ANKS1A: variants seen among roughly 807,000 people sequenced by gnomAD.
ANKS1A encodes ankyrin repeat and sterile alpha motif domain containing 1A.
ANKS1A carries 55 observed loss-of-function variants against 120.3 expected under a neutral mutation model. The ratio of observed to expected loss-of-function variants is 0.46; its 90% CI spans 0.37 to 0.57. The LOEUF is 0.57. Among genes scored for constraint, ANKS1A ranks in the 20% least tolerant of loss-of-function variants. The pLI is 0.00. For missense variants in ANKS1A, 1,123 were observed against 1,480.3 expected, an observed-to-expected ratio of 0.76 and a Z score of 3.96; for synonymous variants, 590 against 604.7, an observed-to-expected ratio of 0.98 and a Z score of 0.36.
rs547868404 is a variant in ANKS1A at position 34,926,107 on chromosome 6, A to G, written c.197+36508A>G. Reference sequence around the variant, plus strand: ...GCCAATGTGAAGTAAAATTATAACTAGGACTGGATTTGTGTAGTTCCCTCT... The same window carrying G: ...GCCAATGTGAAGTAAAATTATAACTGGGACTGGATTTGTGTAGTTCCCTCT... On this transcript the variant is annotated intron_variant, in intron 1 of 23. Coordinates refer to ENST00000360359, the MANE Select transcript of ANKS1A (RefSeq NM_015245.3). 2.0e-5 allele frequency among the ~76,000 whole-genome samples: 3 copies of G among 152,326 alleles called. No homozygotes were observed. In the East Asian group the frequency reaches 5.8e-4, roughly 29 times the overall value.
chr6:34,900,482 G>A lies in ANKS1A; in HGVS notation c.197+10883G>A, dbSNP rs141415258. On this transcript the variant is annotated intron_variant, in intron 1 of 23. Transcript: ENST00000360359. ...TTTTTAATAACAAAAATAGAGATGGGGTCTCACTATGTTGCCCAGGTTGGT... is the reference window on the plus strand; with the variant it reads ...TTTTTAATAACAAAAATAGAGATGGAGTCTCACTATGTTGCCCAGGTTGGT... Among the ~76,000 whole-genome samples the A allele has an allele frequency of 2.1e-3, 319 of 151,840 alleles. 2 individuals carry two copies. Among genetic ancestry groups the A allele is most frequent in the Middle Eastern group, 0.01 (3 of 294 alleles).
chr6:34,972,703 G>C, intron 3 of ANKS1A: 5 of 884,628 alleles, frequency 5.7e-6, no homozygotes, highest in Non-Finnish European at 5.4e-6. Flanking sequence ...CCTCCTCTTT[G>C]GTCCTCTCCG....
chr6:34,974,320 CCCCTTT>C (rs1771431605), intron 3 of ANKS1A, among the ~76,000 whole-genome samples: 1 of 42,198 alleles, frequency 2.4e-5, no homozygotes, highest in Non-Finnish European at 4.4e-5. Flanking sequence ...CCTTCCCCTT[CCCCTTT>C]CTCTTCCCTT....
intron 14 of ANKS1A, 137 bp from the exon 15 acceptor site, chr6:35,079,379 G>A: frequency 1.0e-6 from 1 of 1,003,114 alleles, no homozygotes; most frequent in Non-Finnish European, 1.4e-6. Flanking sequence ...CGAAGTGGGG[G>A]GCTGGAAGGT....
chr6:34,973,861 C>T (rs150685314), intron 3 of ANKS1A, among the ~76,000 whole-genome samples: 1,596 of 55,502 alleles, frequency 0.029, 85 homozygotes, highest in African/African-American at 0.092. Flanking sequence ...TCCCCTTGCC[C>T]TCCCCTTCCC....
intron 13 of ANKS1A, among the ~76,000 whole-genome samples, chr6:35,066,150 T>C (rs1392400415): frequency 1.3e-5 from 2 of 152,212 alleles, no homozygotes; most frequent in Non-Finnish European, 1.5e-5. Flanking sequence ...TCATGAGGCA[T>C]AAACTCCGAA....
intron 13 of ANKS1A, among the ~76,000 whole-genome samples, chr6:35,069,412 A>G (rs1191993800): frequency 6.6e-6 from 1 of 152,014 alleles, no homozygotes; most frequent in East Asian, 1.9e-4. Flanking sequence ...TTAGCAAAGT[A>G]ACTTAGGTCT....
At chr6:35,012,820 T>C (rs1462971225) in intron 10 of ANKS1A, among the ~76,000 whole-genome samples, 1 of 152,096 alleles carries the variant, frequency 6.6e-6, no homozygotes, top group African/African-American at 2.4e-5. Context: ...CTGGCCTCGA[T>C]GTATGGGTAG....
intron 13 of ANKS1A, among the ~76,000 whole-genome samples, chr6:35,076,150 GCA>G (rs2127603168): frequency 6.6e-6 from 1 of 152,290 alleles, no homozygotes; most frequent in African/African-American, 2.4e-5. Context: ...CTGTCCGGGC[GCA>G]GTGGCTCACG....
At chr6:35,077,909 C>T (rs1336471062) in intron 13 of ANKS1A, among the ~76,000 whole-genome samples, 1 of 152,206 alleles carries the variant, frequency 6.6e-6, no homozygotes, top group Non-Finnish European at 1.5e-5. Context: ...CCAGCCTCCG[C>T]CCCCACATCC....
At chr6:35,079,951 G>A (rs1464252789) in intron 16 of ANKS1A, 23 bp downstream of exon 16, 3 of 1,550,058 alleles carry the variant, frequency 1.9e-6, no homozygotes, top group Non-Finnish European at 2.6e-6. Context: ...GGGACAGAAA[G>A]GAATGTATGT....
chr6:34,944,310 C>T (rs1382018328), intron 1 of ANKS1A, among the ~76,000 whole-genome samples: 1 of 151,968 alleles, frequency 6.6e-6, no homozygotes, highest in Non-Finnish European at 1.5e-5. Context: ...TTTTGTACTC[C>T]CACCCAGCAA....
chr6:34,922,087 C>CCACCT (rs937780413), intron 1 of ANKS1A, among the ~76,000 whole-genome samples: 9 of 151,444 alleles, frequency 5.9e-5, no homozygotes, highest in Admixed American at 2.6e-4. Flanking sequence ...GGGGATCCTC[C>CCACCT]CACCTCAGAT....
Position 35,090,304 on chromosome 6 carries a change from C to G in ANKS1A, c.*1695C>G, listed in dbSNP as rs929290438. On this transcript the variant is annotated 3_prime_UTR_variant, in exon 24 of 24. Transcript: ENST00000360359. The stretch of plus-strand genomic sequence containing the variant: ...TTCTTCCAAGAGTTGACCAGGAACC[C>G]TAAAGCATCCAGAGTAGACTGCGCT... 14 of 1,289,470 alleles carry G rather than the reference C, an allele frequency of 1.1e-5. No individual in the cohort carries two copies. Among genetic ancestry groups the G allele is most frequent in the African/African-American group, 1.5e-5 (1 of 65,864 alleles). The allele number at this position is 1,289,470 out of a possible 1,614,324, so 79.9% of individuals were successfully genotyped here.
intron 1 of ANKS1A, among the ~76,000 whole-genome samples, chr6:34,903,812 GC>G (rs1198484144): frequency 2.0e-5 from 3 of 151,758 alleles, no homozygotes; most frequent in African/African-American, 7.3e-5. Flanking sequence ...ACTGTGCCCA[GC>G]CCATCTGCCT....
At chr6:35,003,474 G>GT (rs200261605) in intron 10 of ANKS1A, among the ~76,000 whole-genome samples, 6,846 of 152,242 alleles carry the variant, frequency 0.045, 279 homozygotes, top group African/African-American at 0.11. Context: ...AAGGCAAGTA[G>GT]TTAAAGACAT....
chr6:34,958,185 CT>C (rs1184764558), intron 1 of ANKS1A, among the ~76,000 whole-genome samples: 1 of 152,144 alleles, frequency 6.6e-6, no homozygotes, highest in African/African-American at 2.4e-5. Flanking sequence ...CTCCCGCTCC[CT>C]TCTCTTCTCC....
rs1045202664 is a variant in ANKS1A at position 35,060,396 on chromosome 6, C to T, written c.2184+143C>T. 1.5e-6 allele frequency: 1 copy of T among 680,176 alleles called. No individual in the cohort carries two copies. The highest frequency in any genetic ancestry group is 1.8e-5 in the African/African-American group (1 of 55,450). 42.1% of individuals were successfully genotyped at this position (680,176 alleles called of 1,614,324 possible). A position where few individuals can be genotyped will look rare whatever the true frequency, so the allele number is the denominator to read the frequency against. ...AAGCTCACTGAGGTCACTCAGACAC[C>T]AGGAAGTCAGCCAGGTGGTATGTGC... On this transcript the variant is annotated intron_variant, in intron 13 of 23. Coordinates refer to ENST00000360359, the MANE Select transcript of ANKS1A (RefSeq NM_015245.3). This position sits in a 1 kb window ranked among gnomAD's most constrained non-coding sequence, Gnocchi z 4.5.
At chr6:35,064,080 T>C (rs1776646961) in intron 13 of ANKS1A, among the ~76,000 whole-genome samples, 1 of 152,110 alleles carries the variant, frequency 6.6e-6, no homozygotes, top group African/African-American at 2.4e-5. Flanking sequence ...GCGGGAGAGA[T>C]GGCTGGGCCT....
Sources: allele counts gnomAD v4.1 joint callset (sites outside exome capture counted in the v4.1 genomes callset), GRCh38; gene constraint gnomAD v4.1.1; non-coding constraint Gnocchi (gnomAD v3.1); transcripts MANE v1.5; gene names NCBI Gene and HGNC (gene_info 2026-07-23, HGNC 2026-07-21).